Variants in DNAH8 observed in about 807,000 individuals in gnomAD.
DNAH8 encodes dynein axonemal heavy chain 8.
In DNAH8, 382 loss-of-function variants were observed where a neutral mutation model predicts 562.1. The ratio of observed to expected loss-of-function variants is 0.68; its 90% CI spans 0.63 to 0.74. The LOEUF is 0.74. DNAH8 is among the 30% of genes least tolerant of loss of function. The probability of loss-of-function intolerance (pLI) is 0.00; values close to 1 mark genes in which losing one functional copy is unlikely to be tolerated. For synonymous variants in DNAH8, 1,881 were observed against 1,919.4 expected, an observed-to-expected ratio of 0.98 and a Z score of 0.52; for missense variants, 5,203 against 5,620.4, an observed-to-expected ratio of 0.93 and a Z score of 2.37.
chr6:38,965,116 AATG>A (rs1762887950), intron 82 of DNAH8, among the ~76,000 whole-genome samples: 1 of 145,284 alleles, frequency 6.9e-6, no homozygotes, highest in African/African-American at 2.5e-5. Flanking sequence ...AAAATAAAAT[AATG>A]TATAATACAT....
At chr6:38,923,016 C>T (rs1257922755) in intron 71 of DNAH8, 42 bp from the exon 72 acceptor site, 2 of 1,590,636 alleles carry the variant, frequency 1.3e-6, no homozygotes, top group South Asian at 2.3e-5. Flanking sequence ...GTGTTAAGCA[C>T]TTAGAAAAGT....
intron 91 of DNAH8, among the ~76,000 whole-genome samples, chr6:39,021,771 A>G (rs577258747): frequency 1.3e-5 from 2 of 152,392 alleles, no homozygotes; most frequent in Admixed American, 6.5e-5. Context: ...GGCCTATTGC[A>G]TAAGGACCAG....
chr6:38,982,267 C>T (rs1764084342), intron 85 of DNAH8, 79 bp from the exon 86 acceptor site: 6 of 659,570 alleles, frequency 9.1e-6, no homozygotes, highest in East Asian at 2.5e-5. Flanking sequence ...ATAATATAGC[C>T]TTAATTTTAC....
intron 7 of DNAH8, among the ~76,000 whole-genome samples, chr6:38,739,228 A>T (rs765047041): frequency 6.6e-6 from 1 of 152,034 alleles, no homozygotes; most frequent in African/African-American, 2.4e-5. Flanking sequence ...GTCATGTTTC[A>T]TTTGGTATAG....
intron 82 of DNAH8, among the ~76,000 whole-genome samples, chr6:38,957,376 A>C (rs1762314981): frequency 6.6e-6 from 1 of 151,122 alleles, no homozygotes; most frequent in South Asian, 2.1e-4. Context: ...CAATACAATA[A>C]TAGTAGGGGG....
rs1378608780 is a variant in DNAH8 at position 38,929,557 on chromosome 6, G to A, written c.11165G>A (p.Ser3722Asn). The A allele has an allele frequency of 3.1e-6, 5 of 1,612,900 alleles. No homozygotes were observed. The highest frequency in any genetic ancestry group is 3.4e-6 in the Non-Finnish European group (4 of 1,179,452). ...HKYFRTHLEDSLSLGRPLLIE... is the reference protein window; with the variant it reads ...HKYFRTHLEDNLSLGRPLLIE... ...TATTTTCGCACACACTTGGAGGACA[G>A]CCTTTCCTTGGGCCGACCCCTTCTC... Residue 3722 changes from serine to asparagine, a missense_variant, in exon 75 of 93, where the codon AGC (serine) becomes AAC (asparagine). Coordinates refer to ENST00000327475, the MANE Select transcript of DNAH8 (RefSeq NM_001206927.2).
intron 88 of DNAH8, among the ~76,000 whole-genome samples, chr6:38,998,420 C>A (rs1171790401): frequency 1.3e-5 from 2 of 152,184 alleles, no homozygotes; most frequent in African/African-American, 4.8e-5. Context: ...CTTATTTTCA[C>A]TCTTTTTCTC....
At chr6:38,726,596 G>A (rs989799120) in intron 3 of DNAH8, among the ~76,000 whole-genome samples, 1 of 152,172 alleles carries the variant, frequency 6.6e-6, no homozygotes, top group Non-Finnish European at 1.5e-5. Context: ...GCTGCAAAAG[G>A]TATTTCCTTA....
At chr6:38,893,563 A>G (rs1779481785) in intron 58 of DNAH8, among the ~76,000 whole-genome samples, 1 of 152,238 alleles carries the variant, frequency 6.6e-6, no homozygotes, top group Non-Finnish European at 1.5e-5. Context: ...CATACTTGTA[A>G]TATAACTATA....
intron 42 of DNAH8, 35 bp downstream of exon 42, chr6:38,857,777 C>A: frequency 7.5e-7 from 1 of 1,328,822 alleles, no homozygotes; most frequent in Non-Finnish European, 1.1e-6. Flanking sequence ...AGTGTACTAA[C>A]TAATAATGAA....
At chr6:38,733,522 A>G (rs940775438) in intron 4 of DNAH8, among the ~76,000 whole-genome samples, 4 of 152,158 alleles carry the variant, frequency 2.6e-5, no homozygotes, top group African/African-American at 9.7e-5. Flanking sequence ...TGGGGATGGG[A>G]TAGGAGAACA....
intron 60 of DNAH8, among the ~76,000 whole-genome samples, chr6:38,897,308 C>T (rs1779769995): frequency 6.6e-6 from 1 of 152,050 alleles, no homozygotes; most frequent in African/African-American, 2.4e-5. Flanking sequence ...AAATATTGGC[C>T]ATAGCTGCTT....
At chr6:39,004,824 T>C (rs1765704302) in intron 88 of DNAH8, among the ~76,000 whole-genome samples, 1 of 152,254 alleles carries the variant, frequency 6.6e-6, no homozygotes, top group South Asian at 2.1e-4. Flanking sequence ...CTTAACATAA[T>C]GTTTTTGAAG....
At chr6:38,720,844 C>T (rs1762695003) in intron 1 of DNAH8, among the ~76,000 whole-genome samples, 1 of 104,832 alleles carries the variant, frequency 9.5e-6, no homozygotes, top group Non-Finnish European at 2.3e-5. Context: ...TCCAAGATAA[C>T]ACACAAAAAA....
chr6:38,736,719 A>G (rs1047009070), intron 5 of DNAH8, among the ~76,000 whole-genome samples: 9 of 152,042 alleles, frequency 5.9e-5, no homozygotes, highest in Non-Finnish European at 1.2e-4. Flanking sequence ...ACCAGAAAAA[A>G]AAAAAATCAT....
Position 39,030,126 on chromosome 6 carries a change from C to A in DNAH8, c.13858C>A (p.Leu4620Ile). 1 of 1,613,782 alleles carries A rather than the reference C, an allele frequency of 6.2e-7. No homozygotes were observed. The change falls in exon 93 of 93, where the codon CTC becomes ATC. Residue 4620 changes from leucine to isoleucine, a missense_variant. Leu to Ile is a conservative substitution (Grantham distance 5). Coordinates refer to ENST00000327475, the MANE Select transcript of DNAH8 (RefSeq NM_001206927.2). ...CCAGGAAGGTGTGTATATTTATGGG[C>A]TCTACATGGATGGAGCAGCCTGGGA... ...PPGEGVYIYG[L>I]YMDGAAWDRR... is the part of the protein sequence containing the mutation.
At chr6:38,777,557 C>T (rs183487357) in intron 13 of DNAH8, among the ~76,000 whole-genome samples, 198 of 152,046 alleles carry the variant, frequency 1.3e-3, no homozygotes, top group Non-Finnish European at 1.7e-3. Context: ...TTTTGGGTAC[C>T]GGGAGTTTGG....
intron 83 of DNAH8, among the ~76,000 whole-genome samples, chr6:38,972,518 G>A (rs963871238): frequency 6.6e-6 from 1 of 152,072 alleles, no homozygotes; most frequent in Non-Finnish European, 1.5e-5. Flanking sequence ...CGGATCAAAT[G>A]TTTCACTCTA....
At chr6:38,718,840 G>T (rs1228701468) in intron 1 of DNAH8, among the ~76,000 whole-genome samples, 1 of 152,134 alleles carries the variant, frequency 6.6e-6, no homozygotes, top group Admixed American at 6.5e-5. Context: ...AATATGATAT[G>T]ATGTCGTTCT....
Sources: gnomAD v4.1 joint callset for allele counts (sites outside exome capture counted in the v4.1 genomes callset) on GRCh38, gnomAD v4.1.1 for gene constraint, MANE v1.5 for transcripts, NCBI Gene and HGNC (gene_info 2026-07-23, HGNC 2026-07-21) for gene names.